Variants in ULK4 observed in about 807,000 individuals in gnomAD.
ULK4 encodes the protein unc-51 like kinase 4, also known as inactive serine/threonine-protein kinase ULK4.
In ULK4, 133 loss-of-function variants were observed where a neutral mutation model predicts 160.6. The observed-to-expected ratio is 0.83, with a 90% CI of 0.72 to 0.96. ULK4 has a LOEUF of 0.96. Ranked by LOEUF, ULK4 falls within the 40% of genes least tolerant of loss-of-function variation. ULK4 has a pLI of 0.00. For missense variants in ULK4, 1,580 were observed against 1,499.5 expected, an observed-to-expected ratio of 1.05 and a Z score of -0.89; for synonymous variants, 534 against 539.8, an observed-to-expected ratio of 0.99 and a Z score of 0.15.
Position 41,800,356 on chromosome 3 carries a change from G to T in ULK4, c.1849-63C>A. The T allele has an allele frequency of 2.7e-6, 4 of 1,493,726 alleles. No homozygotes were observed. The South Asian group carries it at 3.6e-5, about 14-fold the overall frequency. The allele number at this position is 1,493,726 out of a possible 1,614,324, so 92.5% of individuals were successfully genotyped here. A position where few individuals can be genotyped will look rare whatever the true frequency, so the allele number is the denominator to read the frequency against. On this transcript the variant is annotated intron_variant, in intron 19 of 36. Coordinates refer to ENST00000301831, the MANE Select transcript of ULK4 (RefSeq NM_017886.4). ...AAATAAATACATGTTATTTCTTTAT[G>T]ACCATTGTAAATAATGTTATGATAC...
intron 34 of ULK4, among the ~76,000 whole-genome samples, chr3:41,442,527 A>C (rs978788637): frequency 6.6e-6 from 1 of 152,202 alleles, no homozygotes; most frequent in Non-Finnish European, 1.5e-5. Context: ...AACATGCAAA[A>C]TAATCTTAAT....
chr3:41,908,556 G>A (rs1457267467), intron 11 of ULK4, among the ~76,000 whole-genome samples: 1 of 151,722 alleles, frequency 6.6e-6, no homozygotes, highest in Non-Finnish European at 1.5e-5. Flanking sequence ...AGCAATTCTC[G>A]TGCCTTAGCC....
At chr3:41,264,940 G>A (rs1443809807) in intron 35 of ULK4, among the ~76,000 whole-genome samples, 1 of 152,220 alleles carries the variant, frequency 6.6e-6, no homozygotes. Context: ...AATCCCCAGT[G>A]TGGAAGGGAG....
chr3:41,879,186 A>T (rs1461229046), intron 17 of ULK4, among the ~76,000 whole-genome samples: 2 of 152,212 alleles, frequency 1.3e-5, no homozygotes, highest in Non-Finnish European at 2.9e-5. Flanking sequence ...CCACCAAGAA[A>T]ATCTGAACAC....
chr3:41,283,382 G>C (rs2079397056), intron 35 of ULK4, among the ~76,000 whole-genome samples: 1 of 152,144 alleles, frequency 6.6e-6, no homozygotes, highest in Non-Finnish European at 1.5e-5. Context: ...CAATAGAAAA[G>C]ACTTAGAACC....
intron 35 of ULK4, among the ~76,000 whole-genome samples, chr3:41,309,165 C>A (rs2080002243): frequency 6.6e-6 from 1 of 151,674 alleles, no homozygotes; most frequent in African/African-American, 2.4e-5. Flanking sequence ...CAGCTAATAC[C>A]TCTTAAATAT....
At chr3:41,957,246 G>C (rs1700512802) in intron 1 of ULK4, among the ~76,000 whole-genome samples, 1 of 151,998 alleles carries the variant, frequency 6.6e-6, no homozygotes, top group African/African-American at 2.4e-5. Flanking sequence ...CTGAGGTCAG[G>C]AGTTTGAGAC....
chr3:41,900,853 CT>C (rs1451103227), intron 12 of ULK4, 24 bp from the exon 13 acceptor site: 1 of 1,575,680 alleles, frequency 6.3e-7, no homozygotes, highest in Non-Finnish European at 8.7e-7. Context: ...AAAAATTAGA[CT>C]TTGTTTCTGC....
chr3:41,384,842 C>G (rs1478715624), intron 35 of ULK4, among the ~76,000 whole-genome samples: 1 of 152,166 alleles, frequency 6.6e-6, no homozygotes, highest in Non-Finnish European at 1.5e-5. Flanking sequence ...ACCTCGGCCT[C>G]CCAAAGTACT....
chr3:41,573,894 A>T (rs1464644206), intron 31 of ULK4, among the ~76,000 whole-genome samples: 1 of 152,226 alleles, frequency 6.6e-6, no homozygotes, highest in South Asian at 2.1e-4. Context: ...TCTTCAGAGT[A>T]TTCAAGTGAA....
chr3:41,404,115 G>A (rs1239395285), intron 34 of ULK4, among the ~76,000 whole-genome samples: 1 of 151,148 alleles, frequency 6.6e-6, no homozygotes, highest in Non-Finnish European at 1.5e-5. Flanking sequence ...TGAGTGTATT[G>A]TTCAATTTTT....
rs374707863 is a variant in ULK4 at position 41,682,448 on chromosome 3, T to C, written c.2782-644A>G. Among the ~76,000 whole-genome samples the C allele has an allele frequency of 1.4e-4, 21 of 152,382 alleles. No individual in the cohort carries two copies. The South Asian group carries it at 4.3e-3, about 32-fold the overall frequency. On this transcript the variant is annotated intron_variant, in intron 27 of 36. Coordinates refer to ENST00000301831, the MANE Select transcript of ULK4 (RefSeq NM_017886.4). ...AAAACTACTGTTTCATTTGATGAAC[T>C]ATTTTAGTGACAATAAACAAAATTC...
intron 34 of ULK4, 115 bp from the exon 35 acceptor site, chr3:41,398,379 A>T: frequency 1.0e-6 from 1 of 982,158 alleles, no homozygotes; most frequent in South Asian, 1.7e-5. Context: ...TCTGCTGAAT[A>T]CTTTTTTACT....
rs149355916 is a variant in ULK4, at chr3:41,290,173, C to T, written c.3679-40599G>A. 6.2e-4 allele frequency among the ~76,000 whole-genome samples: 95 copies of T among 152,202 alleles called. 1 individual carries two copies. The East Asian group carries it at 0.017, about 28-fold the overall frequency. ...TACAGGCGTGAGCCACCATGCCCAG[C>T]CCAACTTTATTTTGCTATAAGACTG... is the stretch of plus-strand genomic sequence containing the variant. On this transcript the variant is annotated intron_variant, in intron 35 of 36. Coordinates refer to ENST00000301831, the MANE Select transcript of ULK4 (RefSeq NM_017886.4).
At chr3:41,408,778 A>C (rs1559578573) in intron 34 of ULK4, among the ~76,000 whole-genome samples, 1 of 152,184 alleles carries the variant, frequency 6.6e-6, no homozygotes, top group Non-Finnish European at 1.5e-5. Flanking sequence ...GACCAATGGA[A>C]TAGAATTAGG....
chr3:41,484,726 A>G (rs941057281), intron 32 of ULK4, among the ~76,000 whole-genome samples: 2 of 152,142 alleles, frequency 1.3e-5, no homozygotes, highest in Admixed American at 1.3e-4. Context: ...TGCTGGGATT[A>G]CAGGCGTGAG....
intron 21 of ULK4, among the ~76,000 whole-genome samples, chr3:41,770,852 G>C (rs898943334): frequency 6.6e-5 from 10 of 152,144 alleles, no homozygotes; most frequent in Non-Finnish European, 1.2e-4. Context: ...TAGGGTAAAG[G>C]AGAGAGCCTC....
At chr3:41,408,112 T>C (rs9852335) in intron 34 of ULK4, among the ~76,000 whole-genome samples, 53,910 of 150,190 alleles carry the variant, frequency 0.36, 10,336 homozygotes, top group South Asian at 0.5. Context: ...ATGGCATATT[T>C]AGGAATAAAA....
intron 32 of ULK4, among the ~76,000 whole-genome samples, chr3:41,560,901 T>C (rs1452336340): frequency 6.6e-6 from 1 of 152,210 alleles, no homozygotes; most frequent in Non-Finnish European, 1.5e-5. Context: ...AAACACTATG[T>C]TGAACAGGAA....
Sources: allele counts gnomAD v4.1 joint callset (sites outside exome capture counted in the v4.1 genomes callset), GRCh38; gene constraint gnomAD v4.1.1; transcripts MANE v1.5; gene names NCBI Gene and HGNC (gene_info 2026-07-23, HGNC 2026-07-21).